The following CLINT1 variants were observed in gnomAD, a reference collection of about 807,000 sequenced individuals.
CLINT1 encodes clathrin interactor 1, also known as clathrin interacting protein localized in the trans-Golgi region.
CLINT1 carries 15 observed loss-of-function variants against 70.4 expected under a neutral mutation model. The ratio of observed to expected loss-of-function variants is 0.21; its 90% CI spans 0.14 to 0.33. The LOEUF (loss-of-function observed/expected upper bound fraction) is 0.33, where lower values mean the gene tolerates loss of function less well. CLINT1 is among the 10% of genes least tolerant of loss of function. CLINT1 has a pLI of 1.00. For synonymous variants in CLINT1, 227 were observed against 254.7 expected (o/e 0.89, Z 1.04); for missense variants, 615 against 778.1 (o/e 0.79, Z 2.49).
intron 1 of CLINT1, among the ~76,000 whole-genome samples, chr5:157,821,263 A>G (rs907479548): frequency 6.6e-5 from 10 of 152,190 alleles, no homozygotes; most frequent in African/African-American, 2.4e-4. Context: ...AGTAATACCA[A>G]AAGAAAACTT....
At chr5:157,827,970 A>G (rs2113252083) in intron 1 of CLINT1, among the ~76,000 whole-genome samples, 1 of 152,316 alleles carries the variant, frequency 6.6e-6, no homozygotes, top group South Asian at 2.1e-4. Context: ...TCTGGCATAT[A>G]CTACCTGATC....
intron 11 of CLINT1, among the ~76,000 whole-genome samples, chr5:157,788,968 G>GAAAAAAAAAAAAAAAAAA (rs58634730): frequency 2.1e-5 from 2 of 95,578 alleles, no homozygotes; most frequent in Admixed American, 1.3e-4. Flanking sequence ...CTCCATCTCA[G>GAAAAAAAAAAAAAAAAAA]AAAAAAAAAA....
intron 6 of CLINT1, among the ~76,000 whole-genome samples, chr5:157,807,117 T>TATGACTACA (rs3836886): frequency 1.3e-5 from 2 of 151,986 alleles, no homozygotes; most frequent in African/African-American, 4.8e-5. Flanking sequence ...TCCTTTAAAC[T>TATGACTACA]GCTGATGCAA....
intron 1 of CLINT1, among the ~76,000 whole-genome samples, chr5:157,856,574 T>C (rs945205084): frequency 6.6e-6 from 1 of 152,246 alleles, no homozygotes; most frequent in Admixed American, 6.5e-5. Flanking sequence ...ACGTCTATTA[T>C]GGCATTATAA....
Position 157,809,634 on chromosome 5 carries a change from C to G in CLINT1, c.689G>C (p.Arg230Thr). ...RRKDREDSPE[R>T]CSDSDEEKKA... ...AGACAAAGTGGTAAAATACCTGCAT[C>G]TTTCTGGAGAGTCTTCTCTATCTTT... Residue 230 changes from arginine to threonine, a missense_variant, in exon 6 of 12, where the codon AGA becomes ACA. Arg to Thr is a moderately conservative substitution (Grantham distance 71). Around this residue, in one of 2 missense-constraint regions of CLINT1, gnomAD observed 241 missense variants for 368.6 expected, o/e 0.65. Coordinates refer to ENST00000411809, the MANE Select transcript of CLINT1 (RefSeq NM_014666.4). 1 of 1,598,896 alleles carries G rather than the reference C, an allele frequency of 6.3e-7. No homozygotes were observed. The highest frequency in any genetic ancestry group is 8.5e-7 in the Non-Finnish European group (1 of 1,174,438).
intron 7 of CLINT1, among the ~76,000 whole-genome samples, chr5:157,804,580 C>A (rs1762331661): frequency 6.6e-6 from 1 of 152,088 alleles, no homozygotes; most frequent in African/African-American, 2.4e-5. Context: ...AGAACTTCAA[C>A]CTTCTAGACA....
chr5:157,831,670 C>T (rs1581524086), intron 1 of CLINT1, among the ~76,000 whole-genome samples: 1 of 147,904 alleles, frequency 6.8e-6, no homozygotes, highest in South Asian at 2.1e-4. Context: ...CTAGCTTTAT[C>T]AAGTCCCAAG....
chr5:157,816,895 G>T, intron 2 of CLINT1, 65 bp from the exon 3 acceptor site: 1 of 1,173,776 alleles, frequency 8.5e-7, no homozygotes. Context: ...TGGCAGACTT[G>T]TTCTAATTTG....
chr5:157,817,913 T>C (rs1674050310), intron 1 of CLINT1, among the ~76,000 whole-genome samples: 1 of 152,198 alleles, frequency 6.6e-6, no homozygotes. Flanking sequence ...CTGGTTTACA[T>C]GCAATGCAGG....
chr5:157,845,653 G>A (rs13182995), intron 1 of CLINT1, among the ~76,000 whole-genome samples: 5 of 150,924 alleles, frequency 3.3e-5, no homozygotes, highest in South Asian at 2.1e-4. Flanking sequence ...CCGGGTTCAC[G>A]CCATTCTCCT....
intron 1 of CLINT1, among the ~76,000 whole-genome samples, chr5:157,848,649 G>T (rs1054932456): frequency 2.6e-5 from 4 of 151,930 alleles, no homozygotes; most frequent in Non-Finnish European, 5.9e-5. Flanking sequence ...GACTACAGGG[G>T]TGCGCCAGAA....
intron 1 of CLINT1, among the ~76,000 whole-genome samples, chr5:157,847,070 G>A (rs1661213382): frequency 6.6e-6 from 1 of 152,160 alleles, no homozygotes; most frequent in Non-Finnish European, 1.5e-5. Context: ...GGATCAAGAA[G>A]TCATTTAGAC....
chr5:157,822,613 A>G (rs975749376), intron 1 of CLINT1, among the ~76,000 whole-genome samples: 7 of 152,332 alleles, frequency 4.6e-5, no homozygotes, highest in African/African-American at 1.7e-4. Context: ...TTTGTAAATT[A>G]TTAGTGTTCA....
chr5:157,802,146 C>T (rs1209689013), intron 8 of CLINT1, among the ~76,000 whole-genome samples: 8 of 152,076 alleles, frequency 5.3e-5, no homozygotes, highest in African/African-American at 1.7e-4. Context: ...CCGCCTGCCT[C>T]GGCCTCCCAA....
chr5:157,795,015 A>T (rs535355177), intron 8 of CLINT1, 43 bp from the exon 9 acceptor site: 1 of 1,478,480 alleles, frequency 6.8e-7, no homozygotes, highest in South Asian at 1.2e-5. Context: ...ACTAGAGAAA[A>T]ATTGTAAATA....
chr5:157,805,958 T>C lies in CLINT1; in HGVS notation c.850A>G (p.Thr284Ala). ...RHKRTANPSK[T>A]IDLGAAAHYT... ...TGTGCTGCTGCTCCAAGATCAATGG[T>C]TTTGGAAGGATTTGCTGTGCGCTTG... Residue 284 changes from threonine (T) to alanine (A), a missense_variant, in exon 7 of 12, where the codon ACC becomes GCC. This residue lies in a region of CLINT1 where 241 missense variants were observed against 368.6 expected (regional missense o/e 0.65). Coordinates refer to ENST00000411809, the MANE Select transcript of CLINT1 (RefSeq NM_014666.4). 6.2e-7 allele frequency: 1 copy of C among 1,613,850 alleles called. No individual in the cohort carries two copies. The highest frequency in any genetic ancestry group is 1.3e-5 in the African/African-American group (1 of 74,998).
intron 1 of CLINT1, among the ~76,000 whole-genome samples, chr5:157,826,515 A>T (rs1581516550): frequency 1.3e-5 from 2 of 148,292 alleles, no homozygotes; most frequent in Non-Finnish European, 1.5e-5. Flanking sequence ...GCTTTCAGTC[A>T]TTTTTTTTTT....
intron 1 of CLINT1, among the ~76,000 whole-genome samples, chr5:157,830,792 C>CTATATATA (rs1401102671): frequency 1.2e-4 from 14 of 116,478 alleles, no homozygotes; most frequent in African/African-American, 4.2e-4. Flanking sequence ...CTCTCTCTCT[C>CTATATATA]TCTCTATATA....
chr5:157,822,567 A>G (rs1397858398), intron 1 of CLINT1, among the ~76,000 whole-genome samples: 1 of 152,226 alleles, frequency 6.6e-6, no homozygotes, highest in African/African-American at 2.4e-5. Flanking sequence ...ATGTAAACAC[A>G]GCCAGTATTC....
Sources: gnomAD v4.1 joint callset for allele counts (sites outside exome capture counted in the v4.1 genomes callset) on GRCh38, gnomAD v4.1.1 for gene constraint, gnomAD v4.1.1 regional missense constraint, MANE v1.5 for transcripts, NCBI Gene and HGNC (gene_info 2026-07-23, HGNC 2026-07-21) for gene names.